ELAPOR2: variants seen among roughly 807,000 people sequenced by gnomAD.
ELAPOR2 encodes the protein endosome-lysosome associated apoptosis and autophagy regulator family member 2.
In ELAPOR2, 89 loss-of-function variants were observed where a neutral mutation model predicts 120.7. The ratio of observed to expected loss-of-function variants is 0.74; its 90% CI spans 0.62 to 0.88. The LOEUF is 0.88. ELAPOR2 is among the 40% of genes least tolerant of loss of function. The pLI is 0.00. For missense variants in ELAPOR2, 1,134 were observed against 1,251.6 expected (o/e 0.91, Z 1.42); for synonymous variants, 444 against 444.9 (o/e 1.00, Z 0.03).
intron 2 of ELAPOR2, among the ~76,000 whole-genome samples, chr7:86,955,641 G>T (rs1294506065): frequency 6.6e-6 from 1 of 152,060 alleles, no homozygotes; most frequent in Non-Finnish European, 1.5e-5. Context: ...GGCATGATTT[G>T]ATCACAGAAT....
intron 18 of ELAPOR2, among the ~76,000 whole-genome samples, chr7:86,905,949 G>A (rs1335959153): frequency 1.3e-5 from 2 of 152,158 alleles, no homozygotes; most frequent in South Asian, 2.1e-4. Context: ...AACTCCAGGA[G>A]ACTATTTTCC....
At chr7:87,058,408 C>T (rs2129019376) in intron 1 of ELAPOR2, among the ~76,000 whole-genome samples, 1 of 152,244 alleles carries the variant, frequency 6.6e-6, no homozygotes, top group South Asian at 2.1e-4. Context: ...CCAACACAAT[C>T]AAAGTAGGTC....
chr7:87,034,082 C>T (rs77332415), intron 1 of ELAPOR2, among the ~76,000 whole-genome samples: 3,691 of 152,082 alleles, frequency 0.024, 168 homozygotes, highest in African/African-American at 0.085. Context: ...AAAAACATTA[C>T]CAAACTATAT....
intron 1 of ELAPOR2, among the ~76,000 whole-genome samples, chr7:86,985,130 A>C (rs2116571982): frequency 6.6e-6 from 1 of 152,310 alleles, no homozygotes; most frequent in South Asian, 2.1e-4. Flanking sequence ...CCAAGACAAA[A>C]CCAGGAAGAA....
At chr7:86,987,180 T>G (rs1430620181) in intron 1 of ELAPOR2, among the ~76,000 whole-genome samples, 1 of 152,198 alleles carries the variant, frequency 6.6e-6, no homozygotes, top group East Asian at 1.9e-4. Context: ...CCTTACACCT[T>G]ATACAAAAAT....
chr7:86,989,530 G>T (rs986449054), intron 1 of ELAPOR2, among the ~76,000 whole-genome samples: 1 of 152,172 alleles, frequency 6.6e-6, no homozygotes, highest in South Asian at 2.1e-4. Context: ...GAAAACAGCC[G>T]TGCCACTGCC....
intron 1 of ELAPOR2, among the ~76,000 whole-genome samples, chr7:86,990,289 C>T (rs1792900473): frequency 6.6e-6 from 1 of 152,102 alleles, no homozygotes; most frequent in Non-Finnish European, 1.5e-5. Context: ...ACCTCATGAT[C>T]TGCCTGCCTC....
At chr7:87,055,569 C>A (rs1486759766) in intron 1 of ELAPOR2, among the ~76,000 whole-genome samples, 2 of 151,994 alleles carry the variant, frequency 1.3e-5, no homozygotes, top group African/African-American at 2.4e-5. Context: ...AAATGTCTTT[C>A]CCCCAAACTA....
intron 1 of ELAPOR2, among the ~76,000 whole-genome samples, chr7:87,001,758 A>G (rs1253288320): frequency 6.6e-6 from 1 of 152,198 alleles, no homozygotes; most frequent in Non-Finnish European, 1.5e-5. Flanking sequence ...ATGCCTCTAC[A>G]GAGAACAGCA....
intron 1 of ELAPOR2, among the ~76,000 whole-genome samples, chr7:87,034,262 G>A (rs4727137): frequency 0.081 from 12,259 of 151,900 alleles, 555 homozygotes; most frequent in Admixed American, 0.12. Context: ...AAGATGCGGC[G>A]GTTCAAGCTT....
chr7:86,910,058 A>T, intron 15 of ELAPOR2, 57 bp from the exon 16 acceptor site: 3 of 1,356,706 alleles, frequency 2.2e-6, no homozygotes, highest in Non-Finnish European at 3.1e-6. Flanking sequence ...TCTAAACTTA[A>T]TCTTGACTAG....
rs563295565 is a variant in ELAPOR2, at chr7:86,944,926, G to A, written c.627C>T (p.Val209=). 15 of 1,548,360 alleles carry A rather than the reference G, an allele frequency of 9.7e-6. No individual in the cohort carries two copies. Among genetic ancestry groups the A allele is most frequent in the African/African-American group, 8.2e-5 (6 of 72,912 alleles). ...AGAACTCAAAGAAGATGTTGTTGTC[G>A]ACATACTGGTACTCAAAGAAGACAT... The part of the protein sequence containing the change: ...SGYVFFEYQY[V]DNNIFFEFFI... The change falls in exon 4 of 22, where the codon GTC becomes GTT. Residue 209 remains valine, a synonymous_variant. Coordinates refer to ENST00000450689, the MANE Select transcript of ELAPOR2 (RefSeq NM_001142749.3).
intron 1 of ELAPOR2, among the ~76,000 whole-genome samples, chr7:86,978,148 C>G (rs376078686): frequency 2.6e-5 from 4 of 152,068 alleles, no homozygotes; most frequent in Middle Eastern, 3.2e-3. Flanking sequence ...GAGTGAGTCT[C>G]GTGAGGTCTG....
intron 1 of ELAPOR2, among the ~76,000 whole-genome samples, chr7:87,011,291 A>T (rs918411270): frequency 1.4e-4 from 21 of 151,396 alleles, no homozygotes; most frequent in Admixed American, 1.4e-3. Context: ...AAAATACACC[A>T]CCACAAAACA....
At chr7:86,993,199 G>A (rs1321973391) in intron 1 of ELAPOR2, among the ~76,000 whole-genome samples, 15 of 132,180 alleles carry the variant, frequency 1.1e-4, no homozygotes, top group Admixed American at 6.6e-4. Context: ...TCGCACCACC[G>A]TACTCCAGCC....
chr7:87,035,137 T>G (rs1339484542), intron 1 of ELAPOR2, among the ~76,000 whole-genome samples: 1 of 150,294 alleles, frequency 6.7e-6, no homozygotes, highest in East Asian at 2.0e-4. Context: ...TGCATCAAGG[T>G]CAAATATTTA....
chr7:87,016,258 T>A (rs1390126569), intron 1 of ELAPOR2, among the ~76,000 whole-genome samples: 1 of 152,186 alleles, frequency 6.6e-6, no homozygotes, highest in Non-Finnish European at 1.5e-5. Context: ...GATTATTCAT[T>A]GCTGATAAAA....
In ELAPOR2 at chr7:86,925,666, A is replaced by G. The variant is rs377541755; in HGVS notation, c.1271-10T>C. ...GGACATGGTCTACATTCTACAGGAG[A>G]CAAGTAGGGTCAACAATTAAAATTA... On this transcript the variant is annotated splice_polypyrimidine_tract_variant and intron_variant, in intron 9 of 21. Coordinates refer to ENST00000450689, the MANE Select transcript of ELAPOR2 (RefSeq NM_001142749.3). 73 of 1,610,620 alleles carry G rather than the reference A, an allele frequency of 4.5e-5. No homozygotes were observed. The highest frequency in any genetic ancestry group is 6.0e-5 in the Non-Finnish European group (71 of 1,177,710).
intron 3 of ELAPOR2, among the ~76,000 whole-genome samples, chr7:86,946,797 C>T (rs904942681): frequency 6.6e-6 from 1 of 152,184 alleles, no homozygotes; most frequent in Non-Finnish European, 1.5e-5. Context: ...AAAAAGAAGC[C>T]TTGTCAGTAT....
Sources: allele counts gnomAD v4.1 joint callset (sites outside exome capture counted in the v4.1 genomes callset), GRCh38; gene constraint gnomAD v4.1.1; transcripts MANE v1.5; gene names NCBI Gene and HGNC (gene_info 2026-07-23, HGNC 2026-07-21).